The following SYN1 variants were observed in gnomAD, a reference collection of about 807,000 sequenced individuals.
The protein encoded by SYN1 is synapsin I.
Under a neutral mutation model 44.6 loss-of-function variants are expected in SYN1, and 8 were observed. That is an observed-to-expected ratio of 0.18 (90% confidence interval 0.11 to 0.32). The LOEUF is 0.32. Ranked by LOEUF, SYN1 falls within the 10% of genes least tolerant of loss-of-function variation. SYN1 has a pLI of 1.00. For missense variants in SYN1, 451 were observed against 639.4 expected (o/e 0.71, Z 3.18); for synonymous variants, 275 against 280.1 (o/e 0.98, Z 0.18).
Position 47,574,188 on chromosome X carries a change from C to T in SYN1, c.1796G>A (p.Gly599Asp), listed in dbSNP as rs1447461116. The change falls in exon 12 of 13, where the codon GGC becomes GAC. Residue 599 changes from glycine (G) to aspartate (D), a missense_variant. By Grantham distance (94) the Gly-to-Asp change is moderately conservative. This residue lies in a region of SYN1 where 127 missense variants were observed against 154.8 expected (regional missense o/e 0.82). Transcript: ENST00000295987. ...GPPQKPPGPA[G>D]PTRQASQAGP... Reference sequence around the variant, plus strand: ...CGCCTGGCTGGCCTGGCGTGTGGGGCCGGCTGGGCCTGGGGGTTTCTGGGG... The same window carrying T: ...CGCCTGGCTGGCCTGGCGTGTGGGGTCGGCTGGGCCTGGGGGTTTCTGGGG... 6 of 1,057,916 alleles carry T rather than the reference C, an allele frequency of 5.7e-6. No individual in the cohort carries two copies. The highest frequency in any genetic ancestry group is 7.2e-6 in the Non-Finnish European group (6 of 827,968). The allele number at this position is 1,057,916 out of a possible 1,213,427, so 87.2% of individuals were successfully genotyped here.
At chrX:47,587,854 C>T (rs187129708) in intron 5 of SYN1, among the ~76,000 whole-genome samples, 57 of 111,383 alleles carry the variant, frequency 5.1e-4, no homozygotes, top group African/African-American at 1.8e-3. Flanking sequence ...CAATGGAGCA[C>T]CTGTGTCCTC....
chrX:47,589,695 A>G (rs2057841461), intron 5 of SYN1, among the ~76,000 whole-genome samples: 1 of 110,599 alleles, frequency 9.0e-6, no homozygotes, highest in African/African-American at 3.3e-5. Flanking sequence ...TGAATAAATC[A>G]TATTGCCTCT....
intron 5 of SYN1, among the ~76,000 whole-genome samples, chrX:47,599,821 T>C (rs1233137039): frequency 8.9e-6 from 1 of 112,180 alleles, no homozygotes; most frequent in Non-Finnish European, 1.9e-5. Flanking sequence ...CGTGACTTAA[T>C]TATATGCTAT....
chrX:47,588,233 C>A (rs2057834232), intron 5 of SYN1, among the ~76,000 whole-genome samples: 1 of 113,054 alleles, frequency 8.8e-6, no homozygotes, highest in African/African-American at 3.2e-5. Flanking sequence ...GGGCCAACCG[C>A]AGCCTTTGCT....
chrX:47,576,743 A>G, intron 6 of SYN1, 103 bp from the exon 7 acceptor site: 2 of 1,074,233 alleles, frequency 1.9e-6, no homozygotes, highest in Admixed American at 4.7e-5. Flanking sequence ...AGGTGAGGCG[A>G]GTACACAAAA....
At chrX:47,589,595 C>CAAAA (rs779225789) in intron 5 of SYN1, among the ~76,000 whole-genome samples, 3 of 29,906 alleles carry the variant, frequency 1.0e-4, no homozygotes, top group East Asian at 2.1e-3. Context: ...GACTCCGTCT[C>CAAAA]AAAAAAAAAA....
Position 47,609,530 on chromosome X carries a change from C to T in SYN1, c.378-2332G>A, listed in dbSNP as rs748709861. 2.7e-5 allele frequency among the ~76,000 whole-genome samples: 3 copies of T among 112,236 alleles called. No homozygotes were observed. The South Asian group carries it at 1.1e-3, about 41-fold the overall frequency. Reference sequence around the variant, plus strand: ...GATCCCAATGGCACACTCCAGTAAGCCTCCTGCATGCAAATCTCCACCTCA... The same window carrying T: ...GATCCCAATGGCACACTCCAGTAAGTCTCCTGCATGCAAATCTCCACCTCA... On this transcript the variant is annotated intron_variant, in intron 1 of 12. Transcript: ENST00000295987.
chrX:47,598,412 A>G (rs773418039), intron 5 of SYN1, among the ~76,000 whole-genome samples: 135 of 111,303 alleles, frequency 1.2e-3, no homozygotes, highest in African/African-American at 3.9e-3. Flanking sequence ...AAAAAAAAAA[A>G]CAGGCTAAGT....
At chrX:47,601,350 C>T (rs936308616) in intron 5 of SYN1, among the ~76,000 whole-genome samples, 5 of 111,854 alleles carry the variant, frequency 4.5e-5, no homozygotes, top group Admixed American at 9.6e-5. Flanking sequence ...AATGGAAAAT[C>T]TCAATAGACC....
intron 1 of SYN1, among the ~76,000 whole-genome samples, chrX:47,610,019 C>T (rs2057912281): frequency 9.0e-6 from 1 of 111,293 alleles, no homozygotes; most frequent in Non-Finnish European, 1.9e-5. Context: ...GTGACTATTC[C>T]CTAAACGCCA....
intron 5 of SYN1, among the ~76,000 whole-genome samples, chrX:47,591,743 A>C (rs757949268): frequency 2.7e-5 from 3 of 109,472 alleles, no homozygotes; most frequent in Non-Finnish European, 5.7e-5. Context: ...AAGTTAGTAT[A>C]TATATGACAG....
At chrX:47,594,553 GA>G (rs1205142638) in intron 5 of SYN1, among the ~76,000 whole-genome samples, 2 of 105,479 alleles carry the variant, frequency 1.9e-5, no homozygotes, top group African/African-American at 3.5e-5. Context: ...AAAAGAAAAA[GA>G]AAAAAAAAGA....
Position 47,575,155 on chromosome X carries a change from G to A in SYN1, c.1278C>T (p.Ala426=). 1 of 1,191,337 alleles carries A rather than the reference G, an allele frequency of 8.4e-7. No individual in the cohort carries two copies. The highest frequency in any genetic ancestry group is 1.1e-6 in the Non-Finnish European group (1 of 885,098). Residue 426 remains alanine, a synonymous_variant, in exon 10 of 13, where the codon GCC becomes GCT. Transcript: ENST00000295987. ...GGCCATGGGAGCCCCTGCCAGGGGAGGCATCCCGCTGTCGCTGCCGGGGCA... is the reference window on the plus strand; with the variant it reads ...GGCCATGGGAGCCCCTGCCAGGGGAAGCATCCCGCTGTCGCTGCCGGGGCA... The part of the protein sequence containing the change: ...QALPRQRQRD[A]SPGRGSHGQT...
At chrX:47,575,107 G>C in intron 10 of SYN1, 21 bp downstream of exon 10, 3 of 1,183,577 alleles carry the variant, frequency 2.5e-6, no homozygotes, top group Non-Finnish European at 3.4e-6. Flanking sequence ...CAAGCCACTA[G>C]CTCAGCGCCA....
At chrX:47,580,734 G>A (rs1357052071) in intron 5 of SYN1, among the ~76,000 whole-genome samples, 1 of 110,276 alleles carries the variant, frequency 9.1e-6, no homozygotes, top group African/African-American at 3.3e-5. Context: ...TCAGGAGTTC[G>A]AGATCTGACC....
intron 5 of SYN1, chrX:47,586,905 T>G (rs1030018402): frequency 4.6e-6 from 2 of 439,009 alleles, no homozygotes; most frequent in African/African-American, 4.9e-5. Context: ...ATATTTTACT[T>G]AAATTCTGAT....
chrX:47,600,198 G>A (rs767131878), intron 5 of SYN1, among the ~76,000 whole-genome samples: 17 of 110,946 alleles, frequency 1.5e-4, no homozygotes, highest in African/African-American at 5.2e-4. Flanking sequence ...GAACCAAAAA[G>A]GAAGTTTTTT....
intron 5 of SYN1, among the ~76,000 whole-genome samples, chrX:47,599,771 C>T (rs1358060796): frequency 8.9e-6 from 1 of 111,880 alleles, no homozygotes; most frequent in African/African-American, 3.3e-5. Flanking sequence ...GTGTTCTCAG[C>T]ACAAACGGTA....
intron 5 of SYN1, among the ~76,000 whole-genome samples, chrX:47,598,067 A>G (rs2057868883): frequency 8.9e-6 from 1 of 112,789 alleles, no homozygotes; most frequent in Non-Finnish European, 1.9e-5. Context: ...GATACTAGCT[A>G]GTAATGTAAA....
Sources: allele counts gnomAD v4.1 joint callset (sites outside exome capture counted in the v4.1 genomes callset), GRCh38; gene constraint gnomAD v4.1.1; regional missense constraint gnomAD v4.1.1; transcripts MANE v1.5; gene names NCBI Gene and HGNC (gene_info 2026-07-23, HGNC 2026-07-21).